Variants in LIN54 observed in about 807,000 individuals in gnomAD.
The protein encoded by LIN54 is lin-54 DREAM MuvB core complex component, also known as protein lin-54 homolog.
Under a neutral mutation model 78.7 loss-of-function variants are expected in LIN54, and 9 were observed. The observed-to-expected ratio is 0.11, with a 90% confidence interval of 0.07 to 0.20. The LOEUF is 0.20. Ranked by LOEUF, LIN54 falls within the 10% of genes least tolerant of loss-of-function variation. The pLI is 1.00. For missense variants in LIN54, 573 were observed against 889.9 expected (o/e 0.64, Z 4.53); for synonymous variants, 269 against 318.4 (o/e 0.84, Z 1.65).
chr4:82,963,310 T>G (rs981799832), intron 4 of LIN54, among the ~76,000 whole-genome samples: 2 of 152,178 alleles, frequency 1.3e-5, no homozygotes, highest in Admixed American at 6.5e-5. Flanking sequence ...AGAGAATCTA[T>G]TGTCAGTAGT....
At chr4:83,011,884 TG>T (rs1006666487), upstream of LIN54, 121 of 252,348 alleles carry the variant, frequency 4.8e-4, no homozygotes, top group South Asian at 2.2e-3. Flanking sequence ...AGCTGAATTC[TG>T]TATCATTCAA....
intron 4 of LIN54, among the ~76,000 whole-genome samples, chr4:82,965,903 A>G (rs1273833241): frequency 6.6e-6 from 1 of 152,198 alleles, no homozygotes; most frequent in Non-Finnish European, 1.5e-5. Context: ...CAATAGAAAC[A>G]AGGAGATCTT....
Position 82,946,454 on chromosome 4 carries a change from C to T in LIN54, c.972G>A (p.Gln324=), listed in dbSNP as rs778743429. 8.1e-6 allele frequency: 13 copies of T among 1,613,686 alleles called. No homozygotes were observed. The South Asian group carries it at 1.2e-4, about 15-fold the overall frequency. Residue 324 remains glutamine (Q), a synonymous_variant, in exon 5 of 13, where the codon CAG becomes CAA. Transcript: ENST00000340417. ...SPNKAVKSTV[Q]TITVGGVSTS... ...TGCTCACTCCTCCAACAGTGATGGT[C>T]TGCACAGTTGATTTCACTGCCTATT...
chr4:82,939,900 C>T lies in LIN54; in HGVS notation c.1231G>A (p.Ala411Thr), dbSNP rs747490460. The part of the protein sequence containing the change: ...RMSVPIVSAQ[A>T]VKQVVPKPIN... ...TATGTGATACTTACTTGTTTGACAGCCTGAGCTGAGACAATTGGAACTGAC... is the reference window on the plus strand; with the variant it reads ...TATGTGATACTTACTTGTTTGACAGTCTGAGCTGAGACAATTGGAACTGAC... The change falls in exon 6 of 13, where the codon GCT becomes ACT. Residue 411 changes from alanine (A) to threonine (T), a missense_variant. By Grantham distance (58) the Ala-to-Thr change is moderately conservative. Transcript: ENST00000340417. The T allele has an allele frequency of 1.2e-6, 2 of 1,612,024 alleles. No individual in the cohort carries two copies. Among genetic ancestry groups the T allele is most frequent in the Non-Finnish European group, 1.7e-6 (2 of 1,179,254 alleles).
At chr4:82,937,149 A>C (rs1011966531) in intron 9 of LIN54, 78 bp downstream of exon 9, 1 of 802,844 alleles carries the variant, frequency 1.2e-6, no homozygotes, top group African/African-American at 1.7e-5. Context: ...GTCTGCTAAA[A>C]ATTTTTAGTT....
At position 83,001,867 on chromosome 4, in the gene LIN54, G is replaced by GAAAGAAAGAAAGAAAGAAAGA. The variant is rs1442633899; in HGVS notation, c.-33+8616_-33+8617insTCTTTCTTTCTTTCTTTCTTT. Among the ~76,000 whole-genome samples, 4 of 8,314 alleles carry GAAAGAAAGAAAGAAAGAAAGA rather than the reference G, an allele frequency of 4.8e-4. 1 individual carries two copies. Among genetic ancestry groups the GAAAGAAAGAAAGAAAGAAAGA allele is most frequent in the African/African-American group, 3.3e-3 (3 of 900 alleles). The allele number at this position is 8,314 out of a possible 152,430, so 5.5% of individuals were successfully genotyped here. Reference sequence around the variant, plus strand: ...TGTCTCAAAAAAAAAAAAAGGATAGGAAGGAAGGAAGGAAGGAAGGAAGGA... The same window carrying GAAAGAAAGAAAGAAAGAAAGA: ...TGTCTCAAAAAAAAAAAAAGGATAGGAAAGAAAGAAAGAAAGAAAGAAAGGAAGGAAGGAAGGAAGGAAGGA... On this transcript the variant is annotated intron_variant, in intron 1 of 12. Transcript: ENST00000340417.
At position 82,928,839 on chromosome 4, in the gene LIN54, C is replaced by T. The variant is rs1381964640; in HGVS notation, c.2049-536G>A. ...TAGAAAACATTCCAAAATTCTGCAT[C>T]GTTCTAGCACAACAAAACAAAATGG... On this transcript the variant is annotated intron_variant, in intron 12 of 12. Coordinates refer to ENST00000340417, the MANE Select transcript of LIN54 (RefSeq NM_194282.4). Among the ~76,000 whole-genome samples, 61 of 152,162 alleles carry T rather than the reference C, an allele frequency of 4.0e-4. 1 individual carries two copies. Among genetic ancestry groups the T allele is most frequent in the Admixed American group, 4.0e-3 (61 of 15,268 alleles).
At chr4:82,952,142 T>A (rs1360617223) in intron 4 of LIN54, among the ~76,000 whole-genome samples, 1 of 152,228 alleles carries the variant, frequency 6.6e-6, no homozygotes, top group Non-Finnish European at 1.5e-5. Context: ...ATAAAAATTT[T>A]TAAATTTTGT....
chr4:82,986,702 CAAAAAAAAAAAAA>C (rs70943178), intron 1 of LIN54, among the ~76,000 whole-genome samples: 1 of 68,732 alleles, frequency 1.5e-5, no homozygotes, highest in Admixed American at 1.8e-4. Context: ...GACCCCATCT[CAAAAAAAAAAAAA>C]AAAAAAAAAA....
chr4:82,974,067 G>A (rs1198860799), intron 3 of LIN54, among the ~76,000 whole-genome samples: 8 of 151,980 alleles, frequency 5.3e-5, no homozygotes, highest in Non-Finnish European at 1.0e-4. Flanking sequence ...AAAATTAGCT[G>A]GGTGTGGTGG....
At chr4:82,928,387 T>A in intron 12 of LIN54, 84 bp from the exon 13 acceptor site, 1 of 1,041,512 alleles carries the variant, frequency 9.6e-7, no homozygotes, top group South Asian at 1.3e-5. Flanking sequence ...TGGAAATCTC[T>A]ACTGACACTT....
At chr4:83,004,420 A>G (rs562722576) in intron 1 of LIN54, among the ~76,000 whole-genome samples, 1 of 151,266 alleles carries the variant, frequency 6.6e-6, no homozygotes, top group African/African-American at 2.4e-5. Flanking sequence ...AAAAAAAGAA[A>G]GAAAGAAAGA....
chr4:82,939,620 C>T lies in LIN54; in HGVS notation c.1359G>A (p.Leu453=), dbSNP rs752590540. ...LPQIQPNLTN[L]PPGTVLAPAP... is the part of the protein sequence containing the mutation. The stretch of plus-strand genomic sequence containing the variant: ...CTGGTGCCAGGACAGTGCCTGGTGG[C>T]AGGTTAGTGAGGTTGGGCTGGATCT... The change falls in exon 7 of 13, where the codon CTG becomes CTA. Residue 453 remains leucine, a synonymous_variant. Transcript: ENST00000340417. 4 of 1,614,154 alleles carry T rather than the reference C, an allele frequency of 2.5e-6. No individual in the cohort carries two copies. Among genetic ancestry groups the T allele is most frequent in the South Asian group, 1.1e-5 (1 of 91,080 alleles).
chr4:82,967,782 C>A (rs1010268461), intron 4 of LIN54, among the ~76,000 whole-genome samples: 22 of 152,192 alleles, frequency 1.4e-4, no homozygotes, highest in African/African-American at 5.3e-4. Context: ...GCACCAGAAG[C>A]TGGATTACAA....
At chr4:82,932,415 A>G (rs980951378) in intron 11 of LIN54, among the ~76,000 whole-genome samples, 5 of 151,248 alleles carry the variant, frequency 3.3e-5, no homozygotes, top group African/African-American at 1.2e-4. Context: ...GAATTTTAAG[A>G]GATGTAGCCA....
chr4:82,929,050 C>T (rs1721723792), intron 12 of LIN54, among the ~76,000 whole-genome samples: 1 of 152,196 alleles, frequency 6.6e-6, no homozygotes, highest in Non-Finnish European at 1.5e-5. Context: ...TAAGCGGTCA[C>T]TAACAGAAGT....
chr4:83,012,731 G>C (rs995105213), upstream of LIN54: 1 of 150,586 alleles, frequency 6.6e-6, no homozygotes, highest in Non-Finnish European at 1.5e-5. Flanking sequence ...TCGCAGCGGG[G>C]GCCGGTTCCC....
At position 83,010,336 on chromosome 4, in the gene LIN54, T is replaced by C. The variant is rs186300381; in HGVS notation, c.-33+148A>G. 3.4e-4 allele frequency: 87 copies of C among 257,142 alleles called. 2 individuals carry two copies. The East Asian group carries it at 0.01, about 30-fold the overall frequency. 15.9% of individuals were successfully genotyped at this position (257,142 alleles called of 1,614,324 possible). On this transcript the variant is annotated intron_variant, in intron 1 of 12. Transcript: ENST00000340417. ...CCCTCTTAACACTCAAAGAATAATG[T>C]TGATGTCATGACGAGGCTACTGATT...
In LIN54 at chr4:82,947,225, A is replaced by ATTTT. The variant is rs1304000304; in HGVS notation, c.952-752_952-751insAAAA. Among the ~76,000 whole-genome samples, 127 of 21,602 alleles carry ATTTT rather than the reference A, an allele frequency of 5.9e-3. 1 individual carries two copies. Among genetic ancestry groups the ATTTT allele is most frequent in the African/African-American group, 0.019 (126 of 6,684 alleles). 14.2% of individuals were successfully genotyped at this position (21,602 alleles called of 152,430 possible). On this transcript the variant is annotated intron_variant, in intron 4 of 12. Coordinates refer to ENST00000340417, the MANE Select transcript of LIN54 (RefSeq NM_194282.4). Reference sequence around the variant, plus strand: ...AAAAAATTTATATATATATATATATATATATATATATTTTTTTTTTTTTTG... The same window carrying ATTTT: ...AAAAAATTTATATATATATATATATATTTTTATATATATATTTTTTTTTTTTTTG...
Sources: allele counts gnomAD v4.1 joint callset (sites outside exome capture counted in the v4.1 genomes callset), GRCh38; gene constraint gnomAD v4.1.1; transcripts MANE v1.5; gene names NCBI Gene and HGNC (gene_info 2026-07-23, HGNC 2026-07-21).